The following SRP72 variants were observed in gnomAD, a reference collection of about 807,000 sequenced individuals.
The protein encoded by SRP72 is signal recognition particle 72.
In SRP72, 49 loss-of-function variants were observed where a neutral mutation model predicts 96.3. The observed-to-expected ratio is 0.51, with a 90% confidence interval of 0.40 to 0.65. The LOEUF (loss-of-function observed/expected upper bound fraction) is 0.65. SRP72 is among the 30% of genes least tolerant of loss of function. SRP72 has a pLI of 0.00. For missense variants in SRP72, 736 were observed against 793.3 expected (o/e 0.93, Z 0.87); for synonymous variants, 267 against 275.2 (o/e 0.97, Z 0.30).
intron 2 of SRP72, 102 bp downstream of exon 2, chr4:56,469,875 G>A (rs998149874): frequency 3.5e-6 from 4 of 1,141,268 alleles, no homozygotes; most frequent in South Asian, 5.3e-5. Flanking sequence ...TTTTTTTAAC[G>A]TTTTTTTCCT....
intron 3 of SRP72, 125 bp from the exon 4 acceptor site, chr4:56,473,929 C>A: frequency 2.4e-6 from 2 of 844,836 alleles, no homozygotes; most frequent in Non-Finnish European, 3.5e-6. Context: ...AAAACATAAA[C>A]AGTTGATTGT....
intron 16 of SRP72, 127 bp downstream of exon 16, chr4:56,491,695 C>T (rs1317763757): frequency 4.4e-6 from 4 of 911,972 alleles, no homozygotes; most frequent in African/African-American, 1.7e-5. Context: ...CCATTTCTCT[C>T]ACTGTGCCCA....
intron 17 of SRP72, among the ~76,000 whole-genome samples, chr4:56,496,510 G>T (rs1721076077): frequency 6.6e-6 from 1 of 152,144 alleles, no homozygotes; most frequent in African/African-American, 2.4e-5. Flanking sequence ...TAGTAATACT[G>T]CAAGGAAACA....
Position 56,486,398 on chromosome 4 carries a change from G to C in SRP72, c.1159+1G>C. On this transcript the variant is annotated splice_donor_variant, in intron 11 of 18. Coordinates refer to ENST00000642900, the MANE Select transcript of SRP72 (RefSeq NM_006947.4). LOFTEE classifies it high-confidence loss of function. Reference sequence around the variant, plus strand: ...ATGGCACAGTTGAAAATTTCTCAAGGTATTATGGTTTTCATCATGATTAAA... The same window carrying C: ...ATGGCACAGTTGAAAATTTCTCAAGCTATTATGGTTTTCATCATGATTAAA... 6.3e-7 allele frequency: 1 copy of C among 1,591,134 alleles called. No individual in the cohort carries two copies. Among genetic ancestry groups the C allele is most frequent in the Non-Finnish European group, 8.6e-7 (1 of 1,163,882 alleles).
intron 17 of SRP72, among the ~76,000 whole-genome samples, chr4:56,500,213 G>C (rs947082081): frequency 3.9e-5 from 6 of 152,092 alleles, no homozygotes; most frequent in Non-Finnish European, 8.8e-5. Flanking sequence ...AGGCCTGTCG[G>C]GGGGCGGTGG....
intron 17 of SRP72, 175 bp from the exon 18 acceptor site, chr4:56,500,360 TA>T (rs1721220926): frequency 1.6e-6 from 1 of 641,322 alleles, no homozygotes; most frequent in African/African-American, 1.8e-5. Flanking sequence ...GAACTTAAAG[TA>T]TAATAATTTA....
chr4:56,494,697 CCCAG>C (rs1362550590), intron 16 of SRP72, among the ~76,000 whole-genome samples: 4 of 152,062 alleles, frequency 2.6e-5, no homozygotes, highest in Non-Finnish European at 5.9e-5. Context: ...AGCCACTGTT[CCCAG>C]CCACTTTCAG....
rs1721332633 is a variant in SRP72, at chr4:56,503,399, T to C, written c.*1538T>C. ...TGACCCAAGGCACAGCAGTGAAATT[T>C]ATAGTTCTCAATTTAGTTGTCATTA... On this transcript the variant is annotated 3_prime_UTR_variant, in exon 19 of 19. Coordinates refer to ENST00000642900, the MANE Select transcript of SRP72 (RefSeq NM_006947.4). 1.3e-5 allele frequency: 2 copies of C among 152,220 alleles called. No homozygotes were observed. The highest frequency in any genetic ancestry group is 1.3e-4 in the Admixed American group (2 of 15,280). The allele number at this position is 152,220 out of a possible 1,614,324, so 9.4% of individuals were successfully genotyped here. A position where few individuals can be genotyped will look rare whatever the true frequency, so the allele number is the denominator to read the frequency against.
chr4:56,487,156 A>G (rs1293140194), intron 11 of SRP72, among the ~76,000 whole-genome samples: 2 of 152,172 alleles, frequency 1.3e-5, no homozygotes, highest in Non-Finnish European at 2.9e-5. Flanking sequence ...TGGATTTTCA[A>G]TGGTGGTGAC....
intron 13 of SRP72, 98 bp downstream of exon 13, chr4:56,489,581 T>C: frequency 3.4e-6 from 2 of 586,420 alleles, no homozygotes; most frequent in Non-Finnish European, 5.8e-6. Context: ...TACACGTCAC[T>C]ATTTTAAAAG....
intron 8 of SRP72, among the ~76,000 whole-genome samples, chr4:56,479,428 C>G (rs1205410848): frequency 6.6e-6 from 1 of 152,122 alleles, no homozygotes; most frequent in Non-Finnish European, 1.5e-5. Flanking sequence ...ATCCGCCCAC[C>G]TCAGCCTCCC....
chr4:56,490,444 C>T lies in SRP72; in HGVS notation c.1424+8C>T, dbSNP rs1000583384. The stretch of plus-strand genomic sequence containing the variant: ...CCTACAACAGCTGTGGAAGTAAGCT[C>T]TGAAACGTGGAGTTGTAGAAATAAC... On this transcript the variant is annotated splice_region_variant and intron_variant, in intron 14 of 18. Transcript: ENST00000642900. 8.1e-6 allele frequency: 13 copies of T among 1,612,574 alleles called. No individual in the cohort carries two copies. Among genetic ancestry groups the T allele is most frequent in the Non-Finnish European group, 1.1e-5 (13 of 1,179,278 alleles).
At chr4:56,482,755 CT>C (rs1191038664) in intron 8 of SRP72, among the ~76,000 whole-genome samples, 1 of 152,134 alleles carries the variant, frequency 6.6e-6, no homozygotes, top group Non-Finnish European at 1.5e-5. Context: ...TGTGCTGTCC[CT>C]TTTTTTCCTT....
In SRP72 at chr4:56,476,694, G is replaced by C; in HGVS notation, c.634G>C (p.Glu212Gln). 6.2e-7 allele frequency: 1 copy of C among 1,612,542 alleles called. No individual in the cohort carries two copies. The highest frequency in any genetic ancestry group is 8.5e-7 in the Non-Finnish European group (1 of 1,179,728). ...AEDLCRRSLS[E>Q]DTDGTEEDPQ... is the part of the protein sequence containing the mutation. Reference sequence around the variant, plus strand: ...AGATCTTTGCCGCCGTTCATTATCAGAAGACACTGTAAGTATTCCATCATT... The same window carrying C: ...AGATCTTTGCCGCCGTTCATTATCACAAGACACTGTAAGTATTCCATCATT... Residue 212 changes from glutamate to glutamine, a missense_variant, in exon 6 of 19, where the codon GAA (glutamate) becomes CAA (glutamine). This residue lies in a region of SRP72 where 329 missense variants were observed against 319.0 expected (regional missense o/e 1.03). Transcript: ENST00000642900.
At chr4:56,490,048 C>G (rs1009986827) in intron 13 of SRP72, among the ~76,000 whole-genome samples, 1 of 148,250 alleles carries the variant, frequency 6.7e-6, no homozygotes, top group African/African-American at 2.4e-5. Context: ...GGTGGCATAT[C>G]TTTAAGATTT....
At chr4:56,470,721 T>C (rs1450787481) in intron 2 of SRP72, among the ~76,000 whole-genome samples, 2 of 152,176 alleles carry the variant, frequency 1.3e-5, no homozygotes, top group African/African-American at 4.8e-5. Context: ...CAATGCTGCT[T>C]TTCTCCTATT....
chr4:56,471,457 C>T (rs1302282451), intron 2 of SRP72, among the ~76,000 whole-genome samples: 1 of 152,114 alleles, frequency 6.6e-6, no homozygotes, highest in African/African-American at 2.4e-5. Flanking sequence ...GAATGATTTC[C>T]TTCTTAAATG....
chr4:56,482,327 A>C (rs1260507406), intron 8 of SRP72, among the ~76,000 whole-genome samples: 1 of 151,198 alleles, frequency 6.6e-6, no homozygotes, highest in Non-Finnish European at 1.5e-5. Context: ...GGGCACCTGT[A>C]GTCCCAGCTA....
intron 17 of SRP72, among the ~76,000 whole-genome samples, chr4:56,497,288 C>T (rs1721109105): frequency 2.0e-5 from 3 of 150,138 alleles, no homozygotes; most frequent in Middle Eastern, 3.2e-3. Context: ...GGCGCTATCT[C>T]GGCTCACTGC....
Sources: gnomAD v4.1 joint callset for allele counts (sites outside exome capture counted in the v4.1 genomes callset) on GRCh38, gnomAD v4.1.1 for gene constraint, gnomAD v4.1.1 regional missense constraint, MANE v1.5 for transcripts, NCBI Gene and HGNC (gene_info 2026-07-23, HGNC 2026-07-21) for gene names.